BEGAIN: variants seen among roughly 807,000 people sequenced by gnomAD.
The protein encoded by BEGAIN is brain enriched guanylate kinase associated, also known as brain-enriched guanylate kinase-associated protein.
Under a neutral mutation model 35.8 loss-of-function variants are expected in BEGAIN, and 19 were observed. The ratio of observed to expected loss-of-function variants is 0.53; its 90% CI spans 0.37 to 0.78. The LOEUF (loss-of-function observed/expected upper bound fraction) is 0.78. Among genes scored for constraint, BEGAIN ranks in the 30% least tolerant of loss-of-function variants. The pLI, the probability that BEGAIN is intolerant of heterozygous loss-of-function variation, is 0.00. For missense variants in BEGAIN, 795 were observed against 853.6 expected (o/e 0.93, Z 0.85); for synonymous variants, 462 against 388.6 (o/e 1.19, Z -2.22).
At position 100,538,161 on chromosome 14, in the gene BEGAIN, C is replaced by T. The variant is rs1411658280; in HGVS notation, c.1647G>A (p.Gly549=). The T allele has an allele frequency of 3.3e-6, 5 of 1,534,650 alleles. No homozygotes were observed. Among genetic ancestry groups the T allele is most frequent in the African/African-American group, 1.4e-5 (1 of 72,552 alleles). ...GCTCGGGCTCAGGGCTGCTGGCGGT[C>T]CCACACAGCTGCACCCCGAGCCTGT... ...DGDRLGVQLC[G]TASSPEPEQG... The change falls in exon 7 of 7, where the codon GGG becomes GGA. Residue 549 remains glycine, a synonymous_variant. Coordinates refer to ENST00000554140, the MANE Select transcript of BEGAIN (RefSeq NM_001385089.1).
chr14:100,538,763 G>C lies in BEGAIN; in HGVS notation c.1045C>G (p.Arg349Gly). Reference sequence around the variant, plus strand: ...GGCTTGCGGTCGAAGAGCTCGTCGCGGCTGTTCAGGTAGATGGCCTGCTGC... The same window carrying C: ...GGCTTGCGGTCGAAGAGCTCGTCGCCGCTGTTCAGGTAGATGGCCTGCTGC... The part of the protein sequence containing the change: ...ASQQAIYLNS[R>G]DELFDRKPPA... The change falls in exon 7 of 7, where the codon CGC becomes GGC. Residue 349 changes from arginine to glycine, a missense_variant. Arg to Gly is a moderately radical substitution (Grantham distance 125, BLOSUM62 -2). This residue lies in a region of BEGAIN where 664 missense variants were observed against 647.7 expected (regional missense o/e 1.03). Transcript: ENST00000554140. 6.3e-7 allele frequency: 1 copy of C among 1,584,036 alleles called. No individual in the cohort carries two copies. Among genetic ancestry groups the C allele is most frequent in the East Asian group, 2.3e-5 (1 of 43,376 alleles).
Position 100,537,911 on chromosome 14 carries a change from C to T in BEGAIN, c.*58G>A. 1.9e-6 allele frequency: 3 copies of T among 1,542,832 alleles called. No homozygotes were observed. The highest frequency in any genetic ancestry group is 2.6e-6 in the Non-Finnish European group (3 of 1,145,354). ...GGGCTGGGGAGAGGTGAGGCCGGCC[C>T]TTCTGGGGCACGTGGGCTGGCGGGG... On this transcript the variant is annotated 3_prime_UTR_variant, in exon 7 of 7. Transcript: ENST00000554140.
rs1002887254 is a variant in BEGAIN at position 100,558,446 on chromosome 14, C to T, written c.71+9465G>A. Among the ~76,000 whole-genome samples, 1 of 152,190 alleles carries T rather than the reference C, an allele frequency of 6.6e-6. No individual in the cohort carries two copies. Among genetic ancestry groups the T allele is most frequent in the Admixed American group, 6.5e-5 (1 of 15,276 alleles). On this transcript the variant is annotated intron_variant, in intron 2 of 6. Transcript: ENST00000554140. This position sits in a 1 kb window ranked among gnomAD's most constrained non-coding sequence, Gnocchi z 4.6. ...TCATCTCCTGGCCTCCTGGCACCAGCGTGTCCCGGGGATCTGGCCTCCGGC... is the reference window on the plus strand; with the variant it reads ...TCATCTCCTGGCCTCCTGGCACCAGTGTGTCCCGGGGATCTGGCCTCCGGC...
intron 1 of BEGAIN, among the ~76,000 whole-genome samples, chr14:100,569,988 AC>A (rs1161648463): frequency 6.6e-6 from 1 of 151,784 alleles, no homozygotes; most frequent in Middle Eastern, 3.4e-3. Flanking sequence ...GAAGCCCCGG[AC>A]CCCCTATGCG....
intron 2 of BEGAIN, among the ~76,000 whole-genome samples, chr14:100,554,910 C>A (rs1183184517): frequency 1.3e-5 from 2 of 151,584 alleles, no homozygotes; most frequent in Non-Finnish European, 2.9e-5. Context: ...GGCACGCTGG[C>A]CTTCGGGCTG....
rs2034952370 is a variant in BEGAIN at position 100,568,871 on chromosome 14, G to A, written c.43-932C>T. On this transcript the variant is annotated intron_variant, in intron 1 of 6. Coordinates refer to ENST00000554140, the MANE Select transcript of BEGAIN (RefSeq NM_001385089.1). The surrounding 1 kb of genome is among the most constrained non-coding windows in gnomAD (Gnocchi z 7.5). ...TGACTGGCACTCAAGGGGGACAGGG[G>A]TCCGAGCTCAGGGACCACGCGACAG... 1 of 985,670 alleles carries A rather than the reference G, an allele frequency of 1.0e-6. No individual in the cohort carries two copies. Among genetic ancestry groups the A allele is most frequent in the South Asian group, 4.7e-5 (1 of 21,362 alleles). 61.1% of individuals were successfully genotyped at this position (985,670 alleles called of 1,614,324 possible).
rs1205837260 is a variant in BEGAIN, at chr14:100,558,964, G to A, written c.71+8947C>T. Among the ~76,000 whole-genome samples, 2 of 152,254 alleles carry A rather than the reference G, an allele frequency of 1.3e-5. No individual in the cohort carries two copies. Among genetic ancestry groups the A allele is most frequent in the East Asian group, 3.9e-4 (2 of 5,160 alleles). On this transcript the variant is annotated intron_variant, in intron 2 of 6. Coordinates refer to ENST00000554140, the MANE Select transcript of BEGAIN (RefSeq NM_001385089.1). The surrounding 1 kb of genome is among the most constrained non-coding windows in gnomAD (Gnocchi z 4.6). ...CGCGTCCTGGAGATTGGTGTGGCCGGAGCCTGGGGCCTGGGGGTTGTTGGG... is the reference window on the plus strand; with the variant it reads ...CGCGTCCTGGAGATTGGTGTGGCCGAAGCCTGGGGCCTGGGGGTTGTTGGG...
chr14:100,586,278 C>T lies in BEGAIN; in HGVS notation c.42+971G>A, dbSNP rs115649583. 7.5e-3 allele frequency among the ~76,000 whole-genome samples: 1,149 copies of T among 152,324 alleles called. 16 individuals are homozygous for T. The highest frequency in any genetic ancestry group is 0.026 in the African/African-American group (1,100 of 41,572). On this transcript the variant is annotated intron_variant, in intron 1 of 6. Coordinates refer to ENST00000554140, the MANE Select transcript of BEGAIN (RefSeq NM_001385089.1). This position sits in a 1 kb window ranked among gnomAD's most constrained non-coding sequence, Gnocchi z 4.9. The stretch of plus-strand genomic sequence containing the variant: ...CTCCAGAGAGCCAGAGCACTGGGGC[C>T]TCCGACGGAGCCTGGCTGTGGAGAC...
chr14:100,579,811 C>T (rs2035278719), intron 1 of BEGAIN, among the ~76,000 whole-genome samples: 1 of 152,202 alleles, frequency 6.6e-6, no homozygotes, highest in Admixed American at 6.5e-5. Flanking sequence ...TCTTCCCTGT[C>T]CCCGCCCCTG....
chr14:100,555,311 C>T (rs946750308), intron 2 of BEGAIN, among the ~76,000 whole-genome samples: 1 of 152,264 alleles, frequency 6.6e-6, no homozygotes, highest in East Asian at 1.9e-4. Context: ...CTGGCGGAGC[C>T]TCTCCTGTGC....
intron 1 of BEGAIN, among the ~76,000 whole-genome samples, chr14:100,583,990 C>T (rs941591136): frequency 5.3e-5 from 8 of 152,198 alleles, no homozygotes; most frequent in Non-Finnish European, 7.3e-5. Flanking sequence ...TGAGCCGCTG[C>T]GCCCAGCCTA....
rs2034762947 is a variant in BEGAIN at position 100,567,208 on chromosome 14, G to A, written c.71+703C>T. ...GGGTGTTCCCAAAGTAGGGGTCAGG[G>A]TGCCAGGGGAAGTCGTGGAGGAAGT... On this transcript the variant is annotated intron_variant, in intron 2 of 6. Coordinates refer to ENST00000554140, the MANE Select transcript of BEGAIN (RefSeq NM_001385089.1). The surrounding 1 kb of genome is among the most constrained non-coding windows in gnomAD (Gnocchi z 5.1). Among the ~76,000 whole-genome samples, 2 of 152,232 alleles carry A rather than the reference G, an allele frequency of 1.3e-5. No homozygotes were observed. Among genetic ancestry groups the A allele is most frequent in the South Asian group, 2.1e-4 (1 of 4,836 alleles).
intron 5 of BEGAIN, among the ~76,000 whole-genome samples, chr14:100,541,545 T>A (rs1443280460): frequency 6.6e-6 from 1 of 152,170 alleles, no homozygotes; most frequent in Non-Finnish European, 1.5e-5. Flanking sequence ...TCTCAGTGCC[T>A]CCCTGGGCCT....
intron 1 of BEGAIN, among the ~76,000 whole-genome samples, chr14:100,574,660 C>A (rs1223241769): frequency 1.3e-5 from 2 of 152,068 alleles, no homozygotes; most frequent in Non-Finnish European, 2.9e-5. Flanking sequence ...TGGCAACAGT[C>A]AGCGGGGCTG....
rs1314712031 is a variant in BEGAIN at position 100,561,579 on chromosome 14, T to C, written c.71+6332A>G. On this transcript the variant is annotated intron_variant, in intron 2 of 6. Coordinates refer to ENST00000554140, the MANE Select transcript of BEGAIN (RefSeq NM_001385089.1). The stretch of plus-strand genomic sequence containing the variant: ...GCCTGGGCGACATGGTGACACCCTG[T>C]CTCTACCAAAAATACAAAATTAGCC... 3.3e-5 allele frequency among the ~76,000 whole-genome samples: 5 copies of C among 152,168 alleles called. No homozygotes were observed. The East Asian group carries it at 9.7e-4, about 29-fold the overall frequency.
At position 100,537,351 on chromosome 14, in the gene BEGAIN, C is replaced by A. The variant is rs985055460; in HGVS notation, c.*618G>T. On this transcript the variant is annotated 3_prime_UTR_variant, in exon 7 of 7. Coordinates refer to ENST00000554140, the MANE Select transcript of BEGAIN (RefSeq NM_001385089.1). ...CACTGGGGCATCATCCCGGCCCACC[C>A]GGGACGATGGGCCGTGGGAGGGCTC... 3 of 152,630 alleles carry A rather than the reference C, an allele frequency of 2.0e-5. No individual in the cohort carries two copies. Among genetic ancestry groups the A allele is most frequent in the African/African-American group, 7.2e-5 (3 of 41,470 alleles). 9.5% of individuals were successfully genotyped at this position (152,630 alleles called of 1,614,324 possible).
chr14:100,546,569 G>A lies in BEGAIN; in HGVS notation c.165C>T (p.Arg55=). The A allele has an allele frequency of 6.3e-7, 1 of 1,591,152 alleles. No homozygotes were observed. The highest frequency in any genetic ancestry group is 8.5e-7 in the Non-Finnish European group (1 of 1,172,226). Residue 55 remains arginine (R), a synonymous_variant, in exon 3 of 7, where the codon CGC becomes CGT. Transcript: ENST00000554140. The part of the protein sequence containing the change: ...EKLETEFDST[R]HYLEIELRRA... ...GCCGCAGCTCGATCTCCAGGTAGTG[G>A]CGCGTGGAGTCGAACTCGGTCTCGA...
At chr14:100,544,104 T>C in intron 4 of BEGAIN, 139 bp from the exon 5 acceptor site, 1 of 631,458 alleles carries the variant, frequency 1.6e-6, no homozygotes, top group South Asian at 1.9e-5. Flanking sequence ...GTGGGGTTTA[T>C]GAGCACAGAC....
chr14:100,556,218 T>C (rs1026955483), intron 2 of BEGAIN, among the ~76,000 whole-genome samples: 1 of 150,818 alleles, frequency 6.6e-6, no homozygotes, highest in African/African-American at 2.4e-5. Flanking sequence ...ATTTGGATCC[T>C]CGACTCCGGG....
Sources: gnomAD v4.1 joint callset for allele counts (sites outside exome capture counted in the v4.1 genomes callset) on GRCh38, gnomAD v4.1.1 for gene constraint, gnomAD v4.1.1 regional missense constraint, Gnocchi (gnomAD v3.1) non-coding constraint, MANE v1.5 for transcripts, NCBI Gene and HGNC (gene_info 2026-07-23, HGNC 2026-07-21) for gene names.